The following GRPEL2 variants were observed in gnomAD, a reference collection of about 807,000 sequenced individuals.
The protein encoded by GRPEL2 is GrpE like 2, mitochondrial.
A neutral mutation model predicts 25.9 loss-of-function variants in GRPEL2; 18 were observed. That is an observed-to-expected ratio of 0.70 (90% CI 0.48 to 1.03). The LOEUF is 1.03. Among genes scored for constraint, GRPEL2 ranks in the 50% least tolerant of loss-of-function variants. The pLI is 0.00. For synonymous variants in GRPEL2, 106 were observed against 107.9 expected (o/e 0.98, Z 0.11); for missense variants, 247 against 276.2 (o/e 0.89, Z 0.75).
At chr5:149,347,414 T>C (rs1757706718) in intron 1 of GRPEL2, among the ~76,000 whole-genome samples, 1 of 152,194 alleles carries the variant, frequency 6.6e-6, no homozygotes, top group African/African-American at 2.4e-5. Context: ...TTCAAGATAA[T>C]TTTACTTACA....
In GRPEL2 at chr5:149,354,306, T is replaced by C. The variant is rs1757822772; in HGVS notation, c.*3024T>C. 6.6e-6 allele frequency: 1 copy of C among 152,234 alleles called. No homozygotes were observed. The highest frequency in any genetic ancestry group is 1.5e-5 in the Non-Finnish European group (1 of 68,042). The allele number at this position is 152,234 out of a possible 1,614,324, so 9.4% of individuals were successfully genotyped here. ...ATACTAAGGAAGCTTTGGCTCACTC[T>C]CACTTGAAGAGGGGATCTTGGTGTT... On this transcript the variant is annotated 3_prime_UTR_variant, in exon 4 of 4. Coordinates refer to ENST00000329271, the MANE Select transcript of GRPEL2 (RefSeq NM_152407.4).
rs540520017 is a variant in GRPEL2 at position 149,351,586 on chromosome 5, C to A, written c.*304C>A. 1 of 246,230 alleles carries A rather than the reference C, an allele frequency of 4.1e-6. No homozygotes were observed. Among genetic ancestry groups the A allele is most frequent in the African/African-American group, 2.2e-5 (1 of 45,236 alleles). The allele number at this position is 246,230 out of a possible 1,614,324, so 15.3% of individuals were successfully genotyped here. On this transcript the variant is annotated 3_prime_UTR_variant, in exon 4 of 4. Coordinates refer to ENST00000329271, the MANE Select transcript of GRPEL2 (RefSeq NM_152407.4). ...AATCCTTTTAACTATGGGTTTTCAA[C>A]TACATGTTTCTTCCTAGCGGTCTCT... is the stretch of plus-strand genomic sequence containing the variant.
intron 2 of GRPEL2, among the ~76,000 whole-genome samples, chr5:149,349,361 G>A (rs551607292): frequency 1.2e-4 from 19 of 152,324 alleles, no homozygotes; most frequent in South Asian, 2.1e-4. Context: ...AAGGAAGTTG[G>A]AGGTTGGCAG....
chr5:149,348,228 A>ATG (rs1757719329), intron 1 of GRPEL2, 44 bp from the exon 2 acceptor site: 1 of 1,543,894 alleles, frequency 6.5e-7, no homozygotes, highest in African/African-American at 1.4e-5. Context: ...ATTTTGGCTT[A>ATG]TGATGGCATT....
intron 3 of GRPEL2, among the ~76,000 whole-genome samples, chr5:149,350,415 C>A (rs1410788722): frequency 6.6e-6 from 1 of 152,206 alleles, no homozygotes; most frequent in Admixed American, 6.5e-5. Context: ...TCCTATTTAG[C>A]CAGTCCTCAA....
At position 149,351,142 on chromosome 5, in the gene GRPEL2, C is replaced by G. The variant is rs1561695508; in HGVS notation, c.538C>G (p.Leu180Val). 2 of 1,614,178 alleles carry G rather than the reference C, an allele frequency of 1.2e-6. No homozygotes were observed. The highest frequency in any genetic ancestry group is 2.2e-5 in the East Asian group (1 of 44,878). Residue 180 changes from leucine (L) to valine (V), a missense_variant, in exon 4 of 4, where the codon CTC (leucine) becomes GTC (valine). Around this residue, in one of 2 missense-constraint regions of GRPEL2, gnomAD observed 122 missense variants for 169.2 expected, o/e 0.72. Coordinates refer to ENST00000329271, the MANE Select transcript of GRPEL2 (RefSeq NM_152407.4). ...GDKYDPHEHE[L>V]ICHVPAGVGV... ...CAAATATGACCCCCATGAGCATGAA[C>G]TCATCTGTCATGTGCCAGCTGGTGT...
chr5:149,351,237 G>T lies in GRPEL2; in HGVS notation c.633G>T (p.Arg211Ser). ...ACAAACTTCATGGCCGCACCATTAG[G>T]CTTGCCCGAGTGGAAGTGGCAGTGG... ...DGYKLHGRTI[R>S]LARVEVAVES... The change falls in exon 4 of 4, where the codon AGG (arginine) becomes AGT (serine). Residue 211 changes from arginine (R) to serine (S), a missense_variant. Around this residue, in one of 2 missense-constraint regions of GRPEL2, gnomAD observed 122 missense variants for 169.2 expected, o/e 0.72. Coordinates refer to ENST00000329271, the MANE Select transcript of GRPEL2 (RefSeq NM_152407.4). 1 of 1,612,502 alleles carries T rather than the reference G, an allele frequency of 6.2e-7. No individual in the cohort carries two copies. Among genetic ancestry groups the T allele is most frequent in the Non-Finnish European group, 8.5e-7 (1 of 1,178,624 alleles).
chr5:149,351,841 A>T lies in GRPEL2; in HGVS notation c.*559A>T, dbSNP rs1178234820. The T allele has an allele frequency of 6.5e-6, 1 of 153,802 alleles. No individual in the cohort carries two copies. The highest frequency in any genetic ancestry group is 1.4e-5 in the Non-Finnish European group (1 of 69,120). 9.5% of individuals were successfully genotyped at this position (153,802 alleles called of 1,614,324 possible). ...ACTAGATAGGCTTTATGCTCACATCATTGTCCCATACCCACCCCTTTCTCA... is the reference window on the plus strand; with the variant it reads ...ACTAGATAGGCTTTATGCTCACATCTTTGTCCCATACCCACCCCTTTCTCA... On this transcript the variant is annotated 3_prime_UTR_variant, in exon 4 of 4. Transcript: ENST00000329271.
chr5:149,349,155 C>T (rs1757736535), intron 2 of GRPEL2, among the ~76,000 whole-genome samples: 2 of 152,080 alleles, frequency 1.3e-5, no homozygotes, highest in Non-Finnish European at 2.9e-5. Flanking sequence ...GACACCATGC[C>T]AGGCTGATTT....
rs1223504218 is a variant in GRPEL2, at chr5:149,352,138, T to G, written c.*856T>G. 2 of 152,232 alleles carry G rather than the reference T, an allele frequency of 1.3e-5. No homozygotes were observed. Among genetic ancestry groups the G allele is most frequent in the Non-Finnish European group, 1.5e-5 (1 of 68,044 alleles). The allele number at this position is 152,232 out of a possible 1,614,324, so 9.4% of individuals were successfully genotyped here. ...CCTCTGCCCTTTTGTCAATTTTACC[T>G]TATAATCCTTTATTAAATGATGGGA... On this transcript the variant is annotated 3_prime_UTR_variant, in exon 4 of 4. Coordinates refer to ENST00000329271, the MANE Select transcript of GRPEL2 (RefSeq NM_152407.4).
chr5:149,354,379 T>G lies in GRPEL2; in HGVS notation c.*3097T>G, dbSNP rs1757823610. 1 of 152,352 alleles carries G rather than the reference T, an allele frequency of 6.6e-6. No individual in the cohort carries two copies. Among genetic ancestry groups the G allele is most frequent in the East Asian group, 1.9e-4 (1 of 5,190 alleles). 9.4% of individuals were successfully genotyped at this position (152,352 alleles called of 1,614,324 possible). A position where few individuals can be genotyped will look rare whatever the true frequency, so the allele number is the denominator to read the frequency against. On this transcript the variant is annotated 3_prime_UTR_variant, in exon 4 of 4. Coordinates refer to ENST00000329271, the MANE Select transcript of GRPEL2 (RefSeq NM_152407.4). ...GTTTTACTGACTTTTCTTACTGCTG[T>G]AAAGGAATCAGGCAGTTGGGTATTG...
At position 149,353,949 on chromosome 5, in the gene GRPEL2, C is replaced by G. The variant is rs1757817046; in HGVS notation, c.*2667C>G. On this transcript the variant is annotated 3_prime_UTR_variant, in exon 4 of 4. Transcript: ENST00000329271. Reference sequence around the variant, plus strand: ...CGTAAAATGATTATAATAATTCTTTCACAGCGTTGTGAGGATTAAGTGAAA... The same window carrying G: ...CGTAAAATGATTATAATAATTCTTTGACAGCGTTGTGAGGATTAAGTGAAA... 1 of 152,194 alleles carries G rather than the reference C, an allele frequency of 6.6e-6. No homozygotes were observed. Among genetic ancestry groups the G allele is most frequent in the Non-Finnish European group, 1.5e-5 (1 of 68,032 alleles). 9.4% of individuals were successfully genotyped at this position (152,194 alleles called of 1,614,324 possible).
chr5:149,347,249 G>C (rs1406857070), intron 1 of GRPEL2, among the ~76,000 whole-genome samples: 2 of 152,120 alleles, frequency 1.3e-5, no homozygotes, highest in Non-Finnish European at 2.9e-5. Context: ...CTTTAAACTA[G>C]CTATTTGCTC....
At chr5:149,345,733 C>A in intron 1 of GRPEL2, 117 bp downstream of exon 1, 1 of 812,914 alleles carries the variant, frequency 1.2e-6, no homozygotes, top group South Asian at 1.7e-5. Context: ...GGGGACCAAG[C>A]TTCTCGGCCT....
At chr5:149,349,008 T>A (rs80053376) in intron 2 of GRPEL2, among the ~76,000 whole-genome samples, 12 of 151,998 alleles carry the variant, frequency 7.9e-5, no homozygotes, top group African/African-American at 1.9e-4. Context: ...TTTTTTTTTT[T>A]AAATGAGACG....
In GRPEL2 at chr5:149,345,594, TG is replaced by T; in HGVS notation, c.57del (p.Trp19Ter). ...GRLRVQRLLAWSAAWESKGWP... is the reference protein window; with the variant it reads ...GRLRVQRLLAXSAAWESKGWP... ...GCTGCGGGTGCAGCGCCTACTGGCC[TG>T]GAGTGCCGCGTGGGAGAGCAAGTAA... On this transcript the variant is annotated frameshift_variant, in exon 1 of 4. Transcript: ENST00000329271. LOFTEE classifies it high-confidence loss of function. 1.2e-6 allele frequency: 2 copies of T among 1,611,214 alleles called. No individual in the cohort carries two copies. The highest frequency in any genetic ancestry group is 8.5e-7 in the Non-Finnish European group (1 of 1,179,068).
intron 1 of GRPEL2, among the ~76,000 whole-genome samples, chr5:149,346,663 C>T (rs1022688266): frequency 2.7e-5 from 4 of 150,456 alleles, no homozygotes; most frequent in Admixed American, 2.7e-4. Context: ...ACTCCCCAAC[C>T]CTATTTCTTG....
intron 2 of GRPEL2, 31 bp downstream of exon 2, chr5:149,348,456 CCTCT>C: frequency 6.5e-7 from 1 of 1,538,906 alleles, no homozygotes; most frequent in Non-Finnish European, 8.8e-7. Context: ...TTCTTCATAT[CCTCT>C]CTCTAGTTTA....
At chr5:149,348,811 T>C (rs748607134) in intron 2 of GRPEL2, among the ~76,000 whole-genome samples, 2 of 151,812 alleles carry the variant, frequency 1.3e-5, no homozygotes, top group African/African-American at 2.4e-5. Flanking sequence ...CCTGGGTTGA[T>C]AGACACACTT....
Sources: allele counts gnomAD v4.1 joint callset (sites outside exome capture counted in the v4.1 genomes callset), GRCh38; gene constraint gnomAD v4.1.1; regional missense constraint gnomAD v4.1.1; transcripts MANE v1.5; gene names NCBI Gene and HGNC (gene_info 2026-07-23, HGNC 2026-07-21).